Variants in ATP7B observed in about 807,000 individuals in gnomAD.
The protein encoded by ATP7B is copper-transporting ATPase 2.
ATP7B carries 113 observed loss-of-function variants against 118.9 expected under a neutral mutation model. The observed-to-expected ratio is 0.95, with a 90% confidence interval of 0.82 to 1.11. The LOEUF (loss-of-function observed/expected upper bound fraction) is 1.11, where lower values mean the gene tolerates loss of function less well. Ranked by LOEUF, ATP7B falls within the 50% of genes most tolerant of loss-of-function variation. The pLI, the probability that ATP7B is intolerant of heterozygous loss-of-function variation, is 0.00. For missense variants in ATP7B, 1,867 were observed against 1,871.4 expected, an observed-to-expected ratio of 1.00 and a Z score of 0.04; for synonymous variants, 777 against 727.4, an observed-to-expected ratio of 1.07 and a Z score of -1.10.
intron 16 of ATP7B, among the ~76,000 whole-genome samples, chr13:51,939,424 G>A (rs191735055): frequency 2.0e-4 from 30 of 152,316 alleles, no homozygotes; most frequent in Non-Finnish European, 3.8e-4. Context: ...CAAGGAATAG[G>A]ATTACGAGTG....
chr13:51,970,370 A>G (rs1011618724), intron 3 of ATP7B, 122 bp downstream of exon 3: 1 of 1,369,510 alleles, frequency 7.3e-7, no homozygotes, highest in African/African-American at 1.4e-5. Flanking sequence ...TTTATGCTAT[A>G]TAATGAACTT....
intron 1 of ATP7B, among the ~76,000 whole-genome samples, chr13:52,005,512 TTCTG>T (rs1953722843): frequency 6.6e-6 from 1 of 152,146 alleles, no homozygotes; most frequent in South Asian, 2.1e-4. Context: ...TATTCCTCAT[TTCTG>T]TCTAAGACCT....
In ATP7B at chr13:51,961,888, G is replaced by C; in HGVS notation, c.1895C>G (p.Ala632Gly). 6.2e-7 allele frequency: 1 copy of C among 1,614,006 alleles called. No homozygotes were observed. Among genetic ancestry groups the C allele is most frequent in the Non-Finnish European group, 8.5e-7 (1 of 1,179,936 alleles). ...IEEIGFHASL[A>G]QRNPNAHHLD... is the part of the protein sequence containing the mutation. ...GTGATGAGCGTTGGGGTTTCTCTGG[G>C]CCAGGGAAGCATGAAAGCCAATTTC... Residue 632 changes from alanine (A) to glycine (G), a missense_variant, in exon 6 of 21, where the codon GCC becomes GGC. Coordinates refer to ENST00000242839, the MANE Select transcript of ATP7B (RefSeq NM_000053.4).
At chr13:51,981,439 G>A (rs975603807) in intron 1 of ATP7B, among the ~76,000 whole-genome samples, 8 of 152,136 alleles carry the variant, frequency 5.3e-5, no homozygotes, top group African/African-American at 1.9e-4. Context: ...ACACTTACAG[G>A]AGAAGGCACA....
Position 51,950,504 on chromosome 13 carries a change from C to T in ATP7B, c.2448-105G>A. On this transcript the variant is annotated intron_variant, in intron 9 of 20. Coordinates refer to ENST00000242839, the MANE Select transcript of ATP7B (RefSeq NM_000053.4). ...TTACACTGTATTTGCTTATACTGAG[C>T]AACAGTATTCATTTGATCTGTTCAT... is the stretch of plus-strand genomic sequence containing the variant. The T allele has an allele frequency of 2.0e-6, 3 of 1,483,170 alleles. No individual in the cohort carries two copies. In the South Asian group the frequency reaches 3.4e-5, roughly 17 times the overall value. 91.9% of individuals were successfully genotyped at this position (1,483,170 alleles called of 1,614,324 possible).
intron 9 of ATP7B, among the ~76,000 whole-genome samples, chr13:51,954,943 A>G (rs1593713043): frequency 1.3e-5 from 2 of 152,180 alleles, no homozygotes; most frequent in Admixed American, 6.5e-5. Context: ...AACCCCAAGG[A>G]CCATCCACAA....
chr13:51,948,253 T>C (rs1421273431), intron 12 of ATP7B, among the ~76,000 whole-genome samples: 2 of 152,108 alleles, frequency 1.3e-5, no homozygotes, highest in African/African-American at 4.8e-5. Flanking sequence ...AATTATCCAT[T>C]CTGTATTTGT....
chr13:51,942,257 G>T, intron 15 of ATP7B, 129 bp downstream of exon 15: 1 of 1,394,630 alleles, frequency 7.2e-7, no homozygotes, highest in Non-Finnish European at 1.0e-6. Context: ...GTGTGGGGAG[G>T]CAGGCTTGGG....
At chr13:51,947,998 C>T (rs1957770442) in intron 12 of ATP7B, 1 of 152,180 alleles carries the variant, frequency 6.6e-6, no homozygotes, top group African/African-American at 2.4e-5. Context: ...CACTGCTTTC[C>T]CGAAAAAGCC....
At chr13:51,979,410 G>A (rs541646234) in intron 1 of ATP7B, among the ~76,000 whole-genome samples, 1 of 152,272 alleles carries the variant, frequency 6.6e-6, no homozygotes, top group East Asian at 1.9e-4. Context: ...GGACCAGGTG[G>A]CTGGGATACA....
At chr13:52,006,534 C>T (rs1253882666) in intron 1 of ATP7B, among the ~76,000 whole-genome samples, 1 of 152,176 alleles carries the variant, frequency 6.6e-6, no homozygotes, top group East Asian at 1.9e-4. Context: ...TTTCAGCCAC[C>T]TTTGGTCTGG....
At chr13:51,952,889 T>A (rs1958097889) in intron 9 of ATP7B, among the ~76,000 whole-genome samples, 1 of 152,186 alleles carries the variant, frequency 6.6e-6, no homozygotes, top group Non-Finnish European at 1.5e-5. Flanking sequence ...ATTGGCCTCT[T>A]GTGTACCAGG....
In ATP7B at chr13:51,974,588, T is replaced by C. The variant is rs1314321927; in HGVS notation, c.632A>G (p.Lys211Arg). The stretch of plus-strand genomic sequence containing the variant: ...CAGGCTTAAGGGAGCCACTTTGCTC[T>C]TGATGGCAGCTTCAAATCCCATGTC... ...VNDMGFEAAI[K>R]SKVAPLSLGP... The change falls in exon 2 of 21, where the codon AAG becomes AGG. Residue 211 changes from lysine to arginine, a missense_variant. By Grantham distance (26) the Lys-to-Arg change is conservative. Coordinates refer to ENST00000242839, the MANE Select transcript of ATP7B (RefSeq NM_000053.4). 11 of 1,613,900 alleles carry C rather than the reference T, an allele frequency of 6.8e-6. No homozygotes were observed. The highest frequency in any genetic ancestry group is 1.3e-5 in the African/African-American group (1 of 74,876).
chr13:51,934,621 G>T lies in ATP7B; in HGVS notation c.*135C>A. 1 of 1,412,976 alleles carries T rather than the reference G, an allele frequency of 7.1e-7. No homozygotes were observed. Among genetic ancestry groups the T allele is most frequent in the Non-Finnish European group, 9.7e-7 (1 of 1,029,538 alleles). The allele number at this position is 1,412,976 out of a possible 1,614,324, so 87.5% of individuals were successfully genotyped here. On this transcript the variant is annotated 3_prime_UTR_variant, in exon 21 of 21. Coordinates refer to ENST00000242839, the MANE Select transcript of ATP7B (RefSeq NM_000053.4). ...AGACAAGGCCGCGTGCTGCAGGGCA[G>T]GATGACTGGACATATCCAGGGAGCG...
chr13:51,996,742 C>G (rs1195359310), intron 1 of ATP7B, among the ~76,000 whole-genome samples: 1 of 152,158 alleles, frequency 6.6e-6, no homozygotes, highest in African/African-American at 2.4e-5. Context: ...AAGGCAACAC[C>G]AAGGCTGGTC....
intron 12 of ATP7B, among the ~76,000 whole-genome samples, chr13:51,949,382 A>G (rs374562765): frequency 3.3e-5 from 5 of 152,188 alleles, no homozygotes; most frequent in Non-Finnish European, 7.4e-5. Flanking sequence ...AGGACCAATA[A>G]TACATATTGT....
intron 1 of ATP7B, among the ~76,000 whole-genome samples, chr13:51,992,979 CA>C (rs58319382): frequency 0.076 from 4,749 of 62,432 alleles, 36 homozygotes; most frequent in Middle Eastern, 0.15. Context: ...GACTCTGTCT[CA>C]AAAAAAAAAA....
chr13:51,974,587 C>T lies in ATP7B; in HGVS notation c.633G>A (p.Lys211=), dbSNP rs1952012355. The part of the protein sequence containing the change: ...VNDMGFEAAI[K]SKVAPLSLGP... Reference sequence around the variant, plus strand: ...CCAGGCTTAAGGGAGCCACTTTGCTCTTGATGGCAGCTTCAAATCCCATGT... The same window carrying T: ...CCAGGCTTAAGGGAGCCACTTTGCTTTTGATGGCAGCTTCAAATCCCATGT... The change falls in exon 2 of 21, where the codon AAG becomes AAA. Residue 211 remains lysine (K), a synonymous_variant. Transcript: ENST00000242839. The T allele has an allele frequency of 1.2e-6, 2 of 1,614,018 alleles. No individual in the cohort carries two copies. The highest frequency in any genetic ancestry group is 2.7e-5 in the African/African-American group (2 of 74,988).
chr13:51,950,533 C>T lies in ATP7B; in HGVS notation c.2448-134G>A. ...AGTATTCATTTGATCTGTTCATTTA[C>T]AGATATTTATCGTGCAGCTGCTGAA... On this transcript the variant is annotated intron_variant, in intron 9 of 20. Transcript: ENST00000242839. 2.9e-6 allele frequency: 4 copies of T among 1,360,532 alleles called. No individual in the cohort carries two copies. In the East Asian group the frequency reaches 9.5e-5, roughly 32 times the overall value. The allele number at this position is 1,360,532 out of a possible 1,614,324, so 84.3% of individuals were successfully genotyped here.
Sources: gnomAD v4.1 joint callset for allele counts (sites outside exome capture counted in the v4.1 genomes callset) on GRCh38, gnomAD v4.1.1 for gene constraint, MANE v1.5 for transcripts, NCBI Gene and HGNC (gene_info 2026-07-23, HGNC 2026-07-21) for gene names.